Variants in RRP15 observed in about 807,000 individuals in gnomAD.
RRP15 encodes the protein ribosomal RNA processing 15 homolog, also known as RRP15-like protein.
In RRP15, 18 loss-of-function variants were observed where a neutral mutation model predicts 27.1. The observed-to-expected ratio is 0.66, with a 90% CI of 0.46 to 0.98. RRP15 has a LOEUF of 0.98. RRP15 is among the 50% of genes least tolerant of loss of function. The pLI, the probability that RRP15 is intolerant of heterozygous loss-of-function variation, is 0.00. For missense variants in RRP15, 359 were observed against 337.8 expected (o/e 1.06, Z -0.49); for synonymous variants, 107 against 109.4 (o/e 0.98, Z 0.14).
intron 1 of RRP15, among the ~76,000 whole-genome samples, chr1:218,289,140 C>G (rs79381864): frequency 6.6e-6 from 1 of 152,162 alleles, no homozygotes; most frequent in Non-Finnish European, 1.5e-5. Context: ...ACGATGATGT[C>G]TCTTCTGACC....
intron 4 of RRP15, 84 bp from the exon 5 acceptor site, chr1:218,330,864 A>G: frequency 2.4e-6 from 3 of 1,237,600 alleles, no homozygotes; most frequent in Non-Finnish European, 3.4e-6. Flanking sequence ...TAAGCATTGA[A>G]AAGTTTGTTT....
At chr1:218,314,195 C>G (rs1656045116) in intron 4 of RRP15, among the ~76,000 whole-genome samples, 1 of 151,876 alleles carries the variant, frequency 6.6e-6, no homozygotes, top group Non-Finnish European at 1.5e-5. Flanking sequence ...GTATTTAGAA[C>G]ACTGTTTAAG....
Position 218,333,031 on chromosome 1 carries a change from C to G in RRP15, c.*1940C>G, listed in dbSNP as rs1313995526. The G allele has an allele frequency of 6.6e-6, 1 of 152,024 alleles. No individual in the cohort carries two copies. The highest frequency in any genetic ancestry group is 1.5e-5 in the Non-Finnish European group (1 of 68,000). 9.4% of individuals were successfully genotyped at this position (152,024 alleles called of 1,614,324 possible). A position where few individuals can be genotyped will look rare whatever the true frequency, so the allele number is the denominator to read the frequency against. On this transcript the variant is annotated 3_prime_UTR_variant, in exon 5 of 5. Coordinates refer to ENST00000366932, the MANE Select transcript of RRP15 (RefSeq NM_016052.4). ...TAGATACGGATAAATACCTTATTTA[C>G]TAAAATGTTTTGAAACATATTTTAT...
At chr1:218,327,443 T>C (rs1656291606) in intron 4 of RRP15, among the ~76,000 whole-genome samples, 1 of 152,140 alleles carries the variant, frequency 6.6e-6, no homozygotes, top group African/African-American at 2.4e-5. Flanking sequence ...GCTGGGATTA[T>C]AAGCCTGTGC....
At position 218,285,381 on chromosome 1, in the gene RRP15, A is replaced by T; in HGVS notation, c.65A>T (p.Lys22Met). The change falls in exon 1 of 5, where the codon AAG (lysine) becomes ATG (methionine). Residue 22 changes from lysine to methionine, a missense_variant. By Grantham distance (95) the Lys-to-Met change is moderately conservative. Coordinates refer to ENST00000366932, the MANE Select transcript of RRP15 (RefSeq NM_016052.4). ...EEENLKKTPK[K>M]KMKMVTGAVA... is the part of the protein sequence containing the mutation. ...GAAAACCTGAAAAAGACCCCAAAGA[A>T]GAAGATGAAAATGGTAACTGGAGCC... 6.2e-7 allele frequency: 1 copy of T among 1,614,140 alleles called. No individual in the cohort carries two copies. The highest frequency in any genetic ancestry group is 1.7e-5 in the Admixed American group (1 of 60,012).
rs1479867236 is a variant in RRP15, at chr1:218,333,333, C to T, written c.*2242C>T. On this transcript the variant is annotated 3_prime_UTR_variant, in exon 5 of 5. Coordinates refer to ENST00000366932, the MANE Select transcript of RRP15 (RefSeq NM_016052.4). ...AAATACCATATGTATAAATATGAAACCAGGAATGTGCATATTTTAGAAACT... is the reference window on the plus strand; with the variant it reads ...AAATACCATATGTATAAATATGAAATCAGGAATGTGCATATTTTAGAAACT... The T allele has an allele frequency of 2.0e-5, 3 of 151,964 alleles. No individual in the cohort carries two copies. The highest frequency in any genetic ancestry group is 7.3e-5 in the African/African-American group (3 of 41,370). The allele number at this position is 151,964 out of a possible 1,614,324, so 9.4% of individuals were successfully genotyped here. A position where few individuals can be genotyped will look rare whatever the true frequency, so the allele number is the denominator to read the frequency against.
At chr1:218,312,192 C>A (rs1284373796) in intron 4 of RRP15, among the ~76,000 whole-genome samples, 1 of 152,046 alleles carries the variant, frequency 6.6e-6, no homozygotes, top group East Asian at 1.9e-4. Context: ...GTTATGGCAG[C>A]CACAGGAAAC....
intron 4 of RRP15, among the ~76,000 whole-genome samples, chr1:218,322,957 C>A (rs1378229226): frequency 1.3e-5 from 2 of 152,188 alleles, no homozygotes; most frequent in Non-Finnish European, 2.9e-5. Flanking sequence ...GCGGCAGGGT[C>A]CATAGCTCCC....
intron 4 of RRP15, among the ~76,000 whole-genome samples, chr1:218,325,912 C>T (rs1467067554): frequency 1.3e-5 from 2 of 152,098 alleles, no homozygotes; most frequent in African/African-American, 2.4e-5. Flanking sequence ...ATTTCCTCAG[C>T]GTTATCTTCT....
intron 4 of RRP15, among the ~76,000 whole-genome samples, chr1:218,312,642 G>C (rs1656021583): frequency 6.6e-6 from 1 of 152,122 alleles, no homozygotes; most frequent in Non-Finnish European, 1.5e-5. Flanking sequence ...TGTTTTAGTA[G>C]CTGTTCTGGG....
intron 4 of RRP15, among the ~76,000 whole-genome samples, chr1:218,320,377 A>C (rs1057150840): frequency 2.0e-5 from 3 of 152,140 alleles, no homozygotes; most frequent in African/African-American, 7.2e-5. Context: ...ATGTCCCTAC[A>C]AAGGACATGA....
intron 4 of RRP15, among the ~76,000 whole-genome samples, chr1:218,317,448 C>T (rs1656107116): frequency 6.6e-6 from 1 of 152,182 alleles, no homozygotes; most frequent in Non-Finnish European, 1.5e-5. Flanking sequence ...CTAGGTCTCT[C>T]GTGCTGCTCA....
rs984508366 is a variant in RRP15, at chr1:218,291,416, G to A, written c.139+5961G>A. Reference sequence around the variant, plus strand: ...GCCAAGATTGTGCCACTGCACTCCAGCCTGGCTGACAGAGTGAGACTCTGT... The same window carrying A: ...GCCAAGATTGTGCCACTGCACTCCAACCTGGCTGACAGAGTGAGACTCTGT... On this transcript the variant is annotated intron_variant, in intron 1 of 4. Coordinates refer to ENST00000366932, the MANE Select transcript of RRP15 (RefSeq NM_016052.4). Among the ~76,000 whole-genome samples the A allele has an allele frequency of 4.6e-5, 7 of 150,816 alleles. No individual in the cohort carries two copies. In the East Asian group the frequency reaches 1.4e-3, roughly 30 times the overall value.
chr1:218,294,231 G>A (rs1655686892), intron 1 of RRP15, among the ~76,000 whole-genome samples: 1 of 152,080 alleles, frequency 6.6e-6, no homozygotes, highest in African/African-American at 2.4e-5. Flanking sequence ...CACACCCTAA[G>A]CAAGTAATCA....
chr1:218,307,682 C>A (rs935381194), intron 4 of RRP15, 50 bp downstream of exon 4: 3 of 1,268,576 alleles, frequency 2.4e-6, no homozygotes, highest in African/African-American at 3.0e-5. Flanking sequence ...AGCTCTAAAA[C>A]TAGTCTTGAG....
At chr1:218,324,101 C>G (rs1656232525) in intron 4 of RRP15, among the ~76,000 whole-genome samples, 1 of 152,196 alleles carries the variant, frequency 6.6e-6, no homozygotes, top group African/African-American at 2.4e-5. Context: ...TCCTCTTGGC[C>G]CCTCTCAGCC....
intron 1 of RRP15, among the ~76,000 whole-genome samples, chr1:218,297,273 A>G (rs1196727367): frequency 6.6e-6 from 1 of 152,106 alleles, no homozygotes; most frequent in Non-Finnish European, 1.5e-5. Context: ...TTCTCATTTA[A>G]CACCTCACAT....
At chr1:218,329,909 CTT>C (rs1274962928) in intron 4 of RRP15, among the ~76,000 whole-genome samples, 8 of 151,784 alleles carry the variant, frequency 5.3e-5, no homozygotes, top group Non-Finnish European at 4.4e-5. Context: ...TAAGTAATCT[CTT>C]GTAACCCAGC....
chr1:218,315,271 C>T (rs976465294), intron 4 of RRP15, among the ~76,000 whole-genome samples: 10 of 152,104 alleles, frequency 6.6e-5, no homozygotes, highest in Non-Finnish European at 1.3e-4. Flanking sequence ...TGGTATCTTA[C>T]AACTTAGACC....
Sources: allele counts gnomAD v4.1 joint callset (sites outside exome capture counted in the v4.1 genomes callset), GRCh38; gene constraint gnomAD v4.1.1; transcripts MANE v1.5; gene names NCBI Gene and HGNC (gene_info 2026-07-23, HGNC 2026-07-21).